The following PTBP1 variants were observed in gnomAD, a reference collection of about 807,000 sequenced individuals.
PTBP1 encodes the protein polypyrimidine tract-binding protein 1.
In PTBP1, 8 loss-of-function variants were observed where a neutral mutation model predicts 59.8. That is an observed-to-expected ratio of 0.13 (90% CI 0.08 to 0.24). The LOEUF (loss-of-function observed/expected upper bound fraction) is 0.24. Ranked by LOEUF, PTBP1 falls within the 10% of genes least tolerant of loss-of-function variation. The probability of loss-of-function intolerance (pLI) is 1.00; values close to 1 mark genes in which losing one functional copy is unlikely to be tolerated. For synonymous variants in PTBP1, 490 were observed against 320.7 expected (o/e 1.53, Z -5.64); for missense variants, 686 against 767.0 (o/e 0.89, Z 1.25).
At position 804,546 on chromosome 19, in the gene PTBP1, C is replaced by T; in HGVS notation, c.450C>T (p.Ala150=). 6.2e-7 allele frequency: 1 copy of T among 1,604,928 alleles called. No individual in the cohort carries two copies. The highest frequency in any genetic ancestry group is 1.1e-5 in the South Asian group (1 of 90,682). The change falls in exon 6 of 15, where the codon GCC becomes GCT. Residue 150 remains alanine (A), a synonymous_variant. Coordinates refer to ENST00000356948, the MANE Select transcript of PTBP1 (RefSeq NM_002819.5). ...GCCTCCCACAGCGGGCCCAGGCGGCCCTGCAGGCGGTGAACTCGGTCCAGT... is the reference window on the plus strand; with the variant it reads ...GCCTCCCACAGCGGGCCCAGGCGGCTCTGCAGGCGGTGAACTCGGTCCAGT... ...SSPNQARAQA[A]LQAVNSVQSG...
In PTBP1 at chr19:808,047, A is replaced by G. The variant is rs2034659534; in HGVS notation, c.1153+145A>G. On this transcript the variant is annotated intron_variant, in intron 11 of 14. Transcript: ENST00000356948. This position sits in a 1 kb window ranked among gnomAD's most constrained non-coding sequence, Gnocchi z 4.7. ...TTTATGGTTTGCTTTCGGTTTGCGA[A>G]TTTTATTTGGTCCCGTAGATACGTA... The G allele has an allele frequency of 1.3e-6, 1 of 790,668 alleles. No homozygotes were observed. The highest frequency in any genetic ancestry group is 2.2e-6 in the Non-Finnish European group (1 of 456,726). 49.0% of individuals were successfully genotyped at this position (790,668 alleles called of 1,614,324 possible).
chr19:808,366 A>G lies in PTBP1; in HGVS notation c.1160A>G (p.Tyr387Cys). The G allele has an allele frequency of 1.9e-6, 3 of 1,598,802 alleles. No individual in the cohort carries two copies. Among genetic ancestry groups the G allele is most frequent in the Non-Finnish European group, 2.6e-6 (3 of 1,174,056 alleles). Residue 387 changes from tyrosine to cysteine, a missense_variant, in exon 12 of 15, where the codon TAC (tyrosine) becomes TGC (cysteine). Coordinates refer to ENST00000356948, the MANE Select transcript of PTBP1 (RefSeq NM_002819.5). The surrounding 1 kb of genome is among the most constrained non-coding windows in gnomAD (Gnocchi z 4.7). ...PQSLFILFGVYGDVQRVKILF... is the reference protein window; with the variant it reads ...PQSLFILFGVCGDVQRVKILF... ...CATCCCTGGGCTTTTGAAGGCGTCTACGGTGACGTGCAGCGCGTGAAGATC... is the reference window on the plus strand; with the variant it reads ...CATCCCTGGGCTTTTGAAGGCGTCTGCGGTGACGTGCAGCGCGTGAAGATC...
At chr19:805,228 C>T (rs1430705563) in intron 8 of PTBP1, 41 bp downstream of exon 8, 4 of 1,603,500 alleles carry the variant, frequency 2.5e-6, no homozygotes, top group African/African-American at 2.7e-5. Context: ...GCAGAGTGGT[C>T]TATTAGGGCC....
intron 13 of PTBP1, among the ~76,000 whole-genome samples, chr19:810,064 T>C (rs560497742): frequency 2.6e-5 from 4 of 152,298 alleles, no homozygotes; most frequent in South Asian, 2.1e-4. Context: ...CCCAGCACTT[T>C]AGGAGGCCGA....
chr19:808,508 C>T lies in PTBP1; in HGVS notation c.1247-38C>T, dbSNP rs376880777. 5.1e-5 allele frequency: 80 copies of T among 1,559,302 alleles called. No homozygotes were observed. The African/African-American group carries it at 7.3e-4, about 14-fold the overall frequency. Reference sequence around the variant, plus strand: ...GGGGCAGGGGCGGGGGCTGCGTTCCCTCTCGGGCGCCTGGTCACGCGGGTG... The same window carrying T: ...GGGGCAGGGGCGGGGGCTGCGTTCCTTCTCGGGCGCCTGGTCACGCGGGTG... On this transcript the variant is annotated intron_variant, in intron 12 of 14. Transcript: ENST00000356948. The surrounding 1 kb of genome is among the most constrained non-coding windows in gnomAD (Gnocchi z 4.7).
chr19:803,951 G>C, intron 3 of PTBP1, 85 bp from the exon 4 acceptor site: 5 of 1,532,528 alleles, frequency 3.3e-6, no homozygotes, highest in Non-Finnish European at 4.5e-6. Flanking sequence ...CTCCGTAGCA[G>C]GCAGGGCTCT....
At chr19:805,744 G>C in intron 9 of PTBP1, 175 bp downstream of exon 9, 2 of 636,628 alleles carry the variant, frequency 3.1e-6, no homozygotes, top group Non-Finnish European at 2.8e-6. Context: ...CAGGGCAGTG[G>C]TAGGACAGGG....
At position 808,524 on chromosome 19, in the gene PTBP1, C is replaced by G. The variant is rs375089639; in HGVS notation, c.1247-22C>G. On this transcript the variant is annotated intron_variant, in intron 12 of 14. Transcript: ENST00000356948. The surrounding 1 kb of genome is among the most constrained non-coding windows in gnomAD (Gnocchi z 4.7). The stretch of plus-strand genomic sequence containing the variant: ...CTGCGTTCCCTCTCGGGCGCCTGGT[C>G]ACGCGGGTGCTGCTCCCCCAGCCAT... 1.3e-6 allele frequency: 2 copies of G among 1,566,928 alleles called. No homozygotes were observed. Among genetic ancestry groups the G allele is most frequent in the Admixed American group, 3.8e-5 (2 of 53,328 alleles).
In PTBP1 at chr19:804,504, C is replaced by CG. The variant is rs763166501; in HGVS notation, c.436-24dup. 7 of 1,594,146 alleles carry CG rather than the reference C, an allele frequency of 4.4e-6. No homozygotes were observed. The South Asian group carries it at 7.8e-5, about 18-fold the overall frequency. On this transcript the variant is annotated intron_variant, in intron 5 of 14. Coordinates refer to ENST00000356948, the MANE Select transcript of PTBP1 (RefSeq NM_002819.5). ...CGGGGGTGGGCCCAGCCGCAGGGGC[C>CG]GGGGACTCACGGCTGTGCCTCCCAC...
intron 9 of PTBP1, 196 bp from the exon 10 acceptor site, chr19:806,212 C>G (rs1355689702): frequency 3.8e-6 from 2 of 528,444 alleles, no homozygotes; most frequent in Non-Finnish European, 3.2e-6. Context: ...TGAGGAGAGG[C>G]GGGCGCTGGT....
At chr19:803,929 C>T in intron 3 of PTBP1, 107 bp from the exon 4 acceptor site, 1 of 1,335,212 alleles carries the variant, frequency 7.5e-7, no homozygotes, top group South Asian at 1.3e-5. Flanking sequence ...CCTCCTGGGG[C>T]TCAGGGTTGG....
chr19:804,502 G>GC (rs1335517039), intron 5 of PTBP1, 30 bp from the exon 6 acceptor site: 3 of 1,595,172 alleles, frequency 1.9e-6, no homozygotes, highest in Non-Finnish European at 2.6e-6. Context: ...AGCCGCAGGG[G>GC]CCGGGGACTC....
intron 1 of PTBP1, among the ~76,000 whole-genome samples, chr19:798,706 G>C (rs979029819): frequency 2.6e-5 from 4 of 152,232 alleles, no homozygotes; most frequent in Admixed American, 1.3e-4. Context: ...GAGTTGCAGT[G>C]GCCGGGAGAA....
chr19:802,512 C>T (rs113087160), intron 2 of PTBP1, among the ~76,000 whole-genome samples: 1 of 152,018 alleles, frequency 6.6e-6, no homozygotes, highest in Non-Finnish European at 1.5e-5. Flanking sequence ...GGCCCTGGGC[C>T]CTTCAGCAGG....
intron 2 of PTBP1, among the ~76,000 whole-genome samples, chr19:801,560 C>G (rs2034335093): frequency 1.3e-5 from 2 of 152,378 alleles, no homozygotes; most frequent in Non-Finnish European, 2.9e-5. Flanking sequence ...GCAGCCAGCA[C>G]ATGGGAGCCG....
chr19:804,142 A>C lies in PTBP1; in HGVS notation c.222A>C (p.Glu74Asp), dbSNP rs61757783. Residue 74 changes from glutamate to aspartate, a missense_variant, in exon 4 of 15, where the codon GAA (glutamate) becomes GAC (aspartate). By Grantham distance (45) the Glu-to-Asp change is conservative (BLOSUM62 2). Transcript: ENST00000356948. Reference sequence around the variant, plus strand: ...TCCCCATCGACGTCACGGAGGGGGAAGTCATCTCCCTGGGGCTGCCCTTTG... The same window carrying C: ...TCCCCATCGACGTCACGGAGGGGGACGTCATCTCCCTGGGGCTGCCCTTTG... The part of the protein sequence containing the change: ...RKLPIDVTEG[E>D]VISLGLPFGK... The C allele has an allele frequency of 6.2e-6, 10 of 1,613,788 alleles. No homozygotes were observed. Among genetic ancestry groups the C allele is most frequent in the East Asian group, 2.2e-5 (1 of 44,876 alleles).
intron 9 of PTBP1, 53 bp from the exon 10 acceptor site, chr19:806,355 C>A (rs2034574633): frequency 1.3e-6 from 2 of 1,543,840 alleles, no homozygotes; most frequent in Non-Finnish European, 1.7e-6. Flanking sequence ...GCCTCTCCCA[C>A]TCTGCGGTGG....
chr19:810,713 C>T lies in PTBP1; in HGVS notation c.1561C>T (p.Leu521=). 6.2e-7 allele frequency: 1 copy of T among 1,611,522 alleles called. No individual in the cohort carries two copies. The highest frequency in any genetic ancestry group is 8.5e-7 in the Non-Finnish European group (1 of 1,179,274). ...TTGCAGGAAGGACCGCAAGATGGCA[C>T]TGATCCAGATGGGCTCCGTGGAGGA... is the stretch of plus-strand genomic sequence containing the variant. ...KFFQKDRKMA[L]IQMGSVEEAV... The change falls in exon 15 of 15, where the codon CTG becomes TTG. Residue 521 remains leucine (L), a synonymous_variant. Transcript: ENST00000356948.
Position 804,533 on chromosome 19 carries a change from G to A in PTBP1, c.437G>A (p.Arg146Gln), listed in dbSNP as rs1433123942. The A allele has an allele frequency of 1.6e-5, 26 of 1,601,384 alleles. No homozygotes were observed. The highest frequency in any genetic ancestry group is 1.7e-5 in the Non-Finnish European group (20 of 1,176,404). The change falls in exon 6 of 15, where the codon CGG becomes CAG. Residue 146 changes from arginine (R) to glutamine (Q), a missense_variant and splice_region_variant. Physicochemically the swap from Arg to Gln is conservative, Grantham distance 43. Transcript: ENST00000356948. ...LKTDSSPNQA[R>Q]AQAALQAVNS... ...GACTCACGGCTGTGCCTCCCACAGCGGGCCCAGGCGGCCCTGCAGGCGGTG... is the reference window on the plus strand; with the variant it reads ...GACTCACGGCTGTGCCTCCCACAGCAGGCCCAGGCGGCCCTGCAGGCGGTG...
Sources: gnomAD v4.1 joint callset for allele counts (sites outside exome capture counted in the v4.1 genomes callset) on GRCh38, gnomAD v4.1.1 for gene constraint, Gnocchi (gnomAD v3.1) non-coding constraint, MANE v1.5 for transcripts, NCBI Gene and HGNC (gene_info 2026-07-23, HGNC 2026-07-21) for gene names.